The following HEXD variants were observed in gnomAD, a reference collection of about 807,000 sequenced individuals.
The protein encoded by HEXD is hexosaminidase D.
Under a neutral mutation model 54.2 loss-of-function variants are expected in HEXD, and 47 were observed. That is an observed-to-expected ratio of 0.87 (90% CI 0.69 to 1.11). The LOEUF (loss-of-function observed/expected upper bound fraction) is 1.11, where lower values mean the gene tolerates loss of function less well. Among genes scored for constraint, HEXD ranks in the 50% least tolerant of loss-of-function variants. The pLI is 0.00. For synonymous variants in HEXD, 293 were observed against 287.6 expected (o/e 1.02, Z -0.19); for missense variants, 576 against 649.2 (o/e 0.89, Z 1.23).
At chr17:82,419,904 C>G (rs764609570) in intron 2 of HEXD, 21 bp downstream of exon 2, 5 of 1,497,062 alleles carry the variant, frequency 3.3e-6, no homozygotes, top group South Asian at 2.3e-5. Flanking sequence ...CCTTTTACCT[C>G]TAGAGCATTA....
At position 82,437,274 on chromosome 17, in the gene HEXD, C is replaced by A; in HGVS notation, c.810C>A (p.His270Gln). 1 of 1,612,356 alleles carries A rather than the reference C, an allele frequency of 6.2e-7. No individual in the cohort carries two copies. Among genetic ancestry groups the A allele is most frequent in the Non-Finnish European group, 8.5e-7 (1 of 1,179,544 alleles). Residue 270 changes from histidine (H) to glutamine (Q), a missense_variant, in exon 8 of 13, where the codon CAC becomes CAA. By Grantham distance (24) the His-to-Gln change is conservative. Coordinates refer to ENST00000327949, the MANE Select transcript of HEXD (RefSeq NM_001330542.2). Reference protein sequence around the residue: ...GPSQAVPPVEHHLRNHVQWLQ... With the variant: ...GPSQAVPPVEQHLRNHVQWLQ... ...GCCAGGCCGTGCCCCCTGTTGAGCA[C>A]CACCTCAGGAACCACGTGCAGTGGC... is the stretch of plus-strand genomic sequence containing the variant.
chr17:82,441,161 G>A lies in HEXD; in HGVS notation c.1062-4G>A, dbSNP rs373568240. 9.6e-5 allele frequency: 155 copies of A among 1,613,252 alleles called. 1 individual carries two copies. In the African/African-American group the frequency reaches 1.3e-3, roughly 13 times the overall value. The stretch of plus-strand genomic sequence containing the variant: ...ACAGCTGTTCTCAGCAGGGCTCTCC[G>A]CAGGGAGGGGGCCGGCTCCTTCCCT... On this transcript the variant is annotated splice_region_variant and splice_polypyrimidine_tract_variant and intron_variant, in intron 10 of 12. Transcript: ENST00000327949.
chr17:82,439,132 C>T (rs1268354547), intron 8 of HEXD, among the ~76,000 whole-genome samples: 1 of 152,246 alleles, frequency 6.6e-6, no homozygotes, highest in African/African-American at 2.4e-5. Context: ...TGCCCCTGAC[C>T]TGCTGCCTGC....
In HEXD at chr17:82,418,440, C is replaced by T. The variant is rs1188252081; in HGVS notation, c.-352C>T. On this transcript the variant is annotated 5_prime_UTR_variant, in exon 1 of 13. Transcript: ENST00000327949. ...CTCCGGTTCCGGCGCTCGGCCGCTC[C>T]GTTGCCCTCGGGCGCCTTGGTTGCG... The T allele has an allele frequency of 3.4e-6, 5 of 1,478,086 alleles. No individual in the cohort carries two copies. Among genetic ancestry groups the T allele is most frequent in the Non-Finnish European group, 3.6e-6 (4 of 1,120,388 alleles). The allele number at this position is 1,478,086 out of a possible 1,614,324, so 91.6% of individuals were successfully genotyped here.
At chr17:82,430,412 A>G (rs1256620087) in intron 4 of HEXD, among the ~76,000 whole-genome samples, 2 of 152,196 alleles carry the variant, frequency 1.3e-5, no homozygotes, top group Non-Finnish European at 2.9e-5. Context: ...TTTTTGAGAC[A>G]GGGTCTCACT....
At chr17:82,432,891 G>A (rs186564045) in intron 4 of HEXD, among the ~76,000 whole-genome samples, 3,410 of 146,550 alleles carry the variant, frequency 0.023, 46 homozygotes, top group Admixed American at 0.051. Context: ...GTGAAACCCC[G>A]TCTCTACTAA....
chr17:82,441,903 C>T lies in HEXD; in HGVS notation c.1253+14C>T, dbSNP rs1004705024. 4 of 1,610,350 alleles carry T rather than the reference C, an allele frequency of 2.5e-6. No homozygotes were observed. The African/African-American group carries it at 4.0e-5, about 16-fold the overall frequency. ...CGCAGCGCTCAGGTGAGGCCCTGGG[C>T]TCTTATAGGCCGTGCAGCCATGGGT... is the stretch of plus-strand genomic sequence containing the variant. On this transcript the variant is annotated intron_variant, in intron 12 of 12. Transcript: ENST00000327949.
chr17:82,420,637 G>A (rs1599716831), intron 2 of HEXD, among the ~76,000 whole-genome samples: 2 of 152,260 alleles, frequency 1.3e-5, no homozygotes, highest in East Asian at 1.9e-4. Context: ...GCGCAGTCTC[G>A]GCTTACTGCA....
At chr17:82,426,009 TAGG>T (rs1229234328) in intron 3 of HEXD, 1 of 150,424 alleles carries the variant, frequency 6.6e-6, no homozygotes, top group African/African-American at 2.5e-5. Context: ...GAGGCTGAGA[TAGG>T]AGGATGGCTT....
chr17:82,434,757 G>A lies in HEXD; in HGVS notation c.448-932G>A, dbSNP rs1397643825. Among the ~76,000 whole-genome samples the A allele has an allele frequency of 1.3e-5, 2 of 152,032 alleles. No homozygotes were observed. The highest frequency in any genetic ancestry group is 2.9e-5 in the Non-Finnish European group (2 of 68,000). ...GGAGGCTGAGGCACGAGAATCGCTT[G>A]AACCCAGGAGGTGAAGGTTGCAGTG... On this transcript the variant is annotated intron_variant, in intron 5 of 12. Transcript: ENST00000327949. This position sits in a 1 kb window ranked among gnomAD's most constrained non-coding sequence, Gnocchi z 4.5.
At chr17:82,441,287 CAGGTGTGGGTGAGGGGG>C (rs1414190017) in intron 11 of HEXD, 21 bp downstream of exon 11, 1 of 1,581,480 alleles carries the variant, frequency 6.3e-7, no homozygotes, top group Non-Finnish European at 8.6e-7. Flanking sequence ...GGGTTAGGGG[CAGGTGTGGGTGAGGGGG>C]GCAGGCATGG....
chr17:82,423,865 G>A (rs541826818), intron 2 of HEXD, among the ~76,000 whole-genome samples: 6 of 151,938 alleles, frequency 3.9e-5, no homozygotes, highest in African/African-American at 1.4e-4. Flanking sequence ...AGAATAAGGG[G>A]GAAGGGACCC....
chr17:82,441,996 TA>T, intron 12 of HEXD, 107 bp downstream of exon 12: 1 of 1,334,070 alleles, frequency 7.5e-7, no homozygotes. Context: ...CCCCTAGTTG[TA>T]AAAGGCCCTC....
Position 82,435,091 on chromosome 17 carries a change from G to A in HEXD, c.448-598G>A, listed in dbSNP as rs567448404. Among the ~76,000 whole-genome samples the A allele has an allele frequency of 9.9e-5, 15 of 152,256 alleles. No individual in the cohort carries two copies. The South Asian group carries it at 3.1e-3, about 32-fold the overall frequency. ...ACCCAGGAGGTGGAGGTTGCAGTGA[G>A]CCGAGATTGAGATTGTGCCACTGCA... On this transcript the variant is annotated intron_variant, in intron 5 of 12. Coordinates refer to ENST00000327949, the MANE Select transcript of HEXD (RefSeq NM_001330542.2).
At chr17:82,429,767 C>G (rs755629759) in intron 4 of HEXD, among the ~76,000 whole-genome samples, 11 of 152,162 alleles carry the variant, frequency 7.2e-5, no homozygotes, top group Non-Finnish European at 1.6e-4. Context: ...CTGGCGGTCC[C>G]CAGGGCTCCT....
intron 8 of HEXD, among the ~76,000 whole-genome samples, chr17:82,439,244 C>A (rs1382119908): frequency 1.3e-5 from 2 of 152,148 alleles, no homozygotes; most frequent in Non-Finnish European, 2.9e-5. Flanking sequence ...GCAGGAGGGG[C>A]CCGGAGGCCC....
At chr17:82,421,182 G>A (rs58339604) in intron 2 of HEXD, among the ~76,000 whole-genome samples, 8,299 of 152,230 alleles carry the variant, frequency 0.055, 409 homozygotes, top group African/African-American at 0.14. Flanking sequence ...TTAAAGGAGG[G>A]TGCAGGGGAG....
At chr17:82,432,902 A>AT (rs2053620247) in intron 4 of HEXD, among the ~76,000 whole-genome samples, 1 of 147,812 alleles carries the variant, frequency 6.8e-6, no homozygotes, top group Non-Finnish European at 1.5e-5. Flanking sequence ...TCTCTACTAA[A>AT]ACAAAATACA....
At position 82,434,112 on chromosome 17, in the gene HEXD, G is replaced by A. The variant is rs117218007; in HGVS notation, c.447+290G>A. Among the ~76,000 whole-genome samples the A allele has an allele frequency of 0.024, 3,699 of 152,312 alleles. 74 individuals are homozygous for A. Among genetic ancestry groups the A allele is most frequent in the Non-Finnish European group, 0.038 (2,596 of 68,004 alleles). ...CGAGGGAGGCACCCTCGTGTCAGAC[G>A]AGACCACCCCGGGCGGCTGGGCTGG... On this transcript the variant is annotated intron_variant, in intron 5 of 12. Transcript: ENST00000327949. This position sits in a 1 kb window ranked among gnomAD's most constrained non-coding sequence, Gnocchi z 4.5.
Sources: gnomAD v4.1 joint callset for allele counts (sites outside exome capture counted in the v4.1 genomes callset) on GRCh38, gnomAD v4.1.1 for gene constraint, Gnocchi (gnomAD v3.1) non-coding constraint, MANE v1.5 for transcripts, NCBI Gene and HGNC (gene_info 2026-07-23, HGNC 2026-07-21) for gene names.